Variants in COL5A3 observed in about 807,000 individuals in gnomAD.
COL5A3 encodes collagen type V alpha 3 chain.
COL5A3 carries 172 observed loss-of-function variants against 250.0 expected under a neutral mutation model. That is an observed-to-expected ratio of 0.69 (90% CI 0.61 to 0.78). COL5A3 has a LOEUF of 0.78. Among genes scored for constraint, COL5A3 ranks in the 30% least tolerant of loss-of-function variants. COL5A3 has a pLI of 0.00. For synonymous variants in COL5A3, 937 were observed against 900.4 expected (o/e 1.04, Z -0.73); for missense variants, 2,340 against 2,334.4 (o/e 1.00, Z -0.05).
chr19:9,961,910 G>A (rs2086679529), intron 65 of COL5A3, among the ~76,000 whole-genome samples: 1 of 152,018 alleles, frequency 6.6e-6, no homozygotes, highest in Non-Finnish European at 1.5e-5. Context: ...CTTCAATCCA[G>A]TTATCAGAAA....
chr19:9,987,011 C>A (rs2087110881), intron 27 of COL5A3, among the ~76,000 whole-genome samples: 1 of 152,154 alleles, frequency 6.6e-6, no homozygotes, highest in African/African-American at 2.4e-5. Flanking sequence ...CTCCTGGAGA[C>A]GCTTTGTCCA....
intron 64 of COL5A3, among the ~76,000 whole-genome samples, chr19:9,964,785 G>A (rs1030715065): frequency 2.8e-5 from 4 of 142,184 alleles, no homozygotes; most frequent in African/African-American, 5.4e-5. Context: ...AGCACTTTGG[G>A]AGGCCAAGGT....
chr19:9,981,253 C>T (rs1385680480), intron 32 of COL5A3, 121 bp from the exon 33 acceptor site: 1 of 851,496 alleles, frequency 1.2e-6, no homozygotes, highest in Non-Finnish European at 2.0e-6. Flanking sequence ...TATTCACAAG[C>T]TTTTCAGTCA....
intron 64 of COL5A3, 50 bp downstream of exon 64, chr19:9,966,264 C>T (rs1482806251): frequency 1.4e-6 from 2 of 1,383,608 alleles, no homozygotes; most frequent in Admixed American, 1.8e-5. Flanking sequence ...GTGTGGGGAG[C>T]AGGGGACAGC....
intron 42 of COL5A3, 22 bp downstream of exon 42, chr19:9,977,572 A>C (rs1472104220): frequency 1.3e-6 from 2 of 1,552,054 alleles, no homozygotes; most frequent in Non-Finnish European, 1.7e-6. Flanking sequence ...GGCCCTAGGA[A>C]TGGGATGGGC....
At chr19:9,993,211 T>C (rs1172687787) in intron 19 of COL5A3, 144 bp from the exon 20 acceptor site, 7 of 1,129,162 alleles carry the variant, frequency 6.2e-6, no homozygotes, top group Middle Eastern at 2.0e-4. Context: ...TGGGATTCCA[T>C]TCAGGCCCCT....
intron 4 of COL5A3, among the ~76,000 whole-genome samples, chr19:10,005,322 C>A (rs1345839831): frequency 6.6e-6 from 1 of 151,386 alleles, no homozygotes; most frequent in Non-Finnish European, 1.5e-5. Flanking sequence ...TGCACTCCAG[C>A]CTGGGTGACA....
At chr19:9,961,703 C>T (rs143556297) in intron 65 of COL5A3, among the ~76,000 whole-genome samples, 2 of 151,918 alleles carry the variant, frequency 1.3e-5, no homozygotes, top group Non-Finnish European at 2.9e-5. Flanking sequence ...GGACTACGGG[C>T]GCCTGCCACC....
At chr19:9,985,741 G>A in intron 31 of COL5A3, 101 bp downstream of exon 31, 2 of 1,061,622 alleles carry the variant, frequency 1.9e-6, no homozygotes, top group East Asian at 2.4e-5. Flanking sequence ...GTGACCCTTG[G>A]GGTGGGCAGC....
chr19:9,966,803 GGAGA>G, intron 62 of COL5A3, 57 bp from the exon 63 acceptor site: 1 of 1,359,794 alleles, frequency 7.4e-7, no homozygotes, highest in Non-Finnish European at 1.0e-6. Flanking sequence ...GGAGAGAGAG[GGAGA>G]AAGAGAGACA....
chr19:10,007,646 A>G (rs916421657), intron 1 of COL5A3, among the ~76,000 whole-genome samples: 5 of 152,010 alleles, frequency 3.3e-5, no homozygotes, highest in African/African-American at 9.7e-5. Context: ...AGAATCTGCC[A>G]TGACCTCACC....
Position 9,991,574 on chromosome 19 carries a change from C to T in COL5A3, c.1992+36G>A, listed in dbSNP as rs368748314. The T allele has an allele frequency of 7.8e-6, 12 of 1,547,186 alleles. No individual in the cohort carries two copies. The African/African-American group carries it at 1.6e-4, about 21-fold the overall frequency. On this transcript the variant is annotated intron_variant, in intron 24 of 66. Transcript: ENST00000264828. ...TGGCAACAGAGTTGAAGGAAGAAGA[C>T]TTGAGGAGGTCGCGGTAGGTGGAGC...
Position 9,977,405 on chromosome 19 carries a change from G to C in COL5A3, c.3194C>G (p.Pro1065Arg). Reference sequence around the variant, plus strand: ...GCCAGAAGGCCCAGCAGCTCCAGGGGGTCCCAGAGGCCCCAGGGGCCCTGG... The same window carrying C: ...GCCAGAAGGCCCAGCAGCTCCAGGGCGTCCCAGAGGCCCCAGGGGCCCTGG... ...GIPGPLGPLGPPGAAGPSGEE... is the reference protein window; with the variant it reads ...GIPGPLGPLGRPGAAGPSGEE... Residue 1065 changes from proline (P) to arginine (R), a missense_variant, in exon 43 of 67, where the codon CCC becomes CGC. Pro to Arg is a moderately radical substitution (Grantham distance 103). Transcript: ENST00000264828. The C allele has an allele frequency of 1.9e-6, 3 of 1,547,044 alleles. No homozygotes were observed. The highest frequency in any genetic ancestry group is 8.7e-7 in the Non-Finnish European group (1 of 1,147,176).
At position 9,959,628 on chromosome 19, in the gene COL5A3, C is replaced by T. The variant is rs1347643022; in HGVS notation, c.*783G>A. 1.3e-5 allele frequency: 2 copies of T among 152,602 alleles called. No homozygotes were observed. Among genetic ancestry groups the T allele is most frequent in the African/African-American group, 2.4e-5 (1 of 41,428 alleles). The allele number at this position is 152,602 out of a possible 1,614,324, so 9.5% of individuals were successfully genotyped here. On this transcript the variant is annotated 3_prime_UTR_variant, in exon 67 of 67. Transcript: ENST00000264828. ...GCCCTATGGCCTGGCGGTGGGGGGC[C>T]AGGCTTGGGCTGGAATCTCTCATCA... is the stretch of plus-strand genomic sequence containing the variant.
At chr19:9,999,200 A>ATT (rs144312768) in intron 8 of COL5A3, among the ~76,000 whole-genome samples, 41 of 94,696 alleles carry the variant, frequency 4.3e-4, no homozygotes, top group African/African-American at 8.4e-4. Flanking sequence ...TTTGCTTGGC[A>ATT]TTTTTTTTTT....
chr19:10,001,815 C>T lies in COL5A3; in HGVS notation c.916G>A (p.Val306Ile), dbSNP rs2087367403. 6 of 1,614,126 alleles carry T rather than the reference C, an allele frequency of 3.7e-6. No homozygotes were observed. Among genetic ancestry groups the T allele is most frequent in the Non-Finnish European group, 5.1e-6 (6 of 1,180,032 alleles). ...PNLPPTPTPL[V>I]VTSTVTTGLN... Reference sequence around the variant, plus strand: ...CCAGTAGTCACAGTGGAGGTGACGACCAAAGGCGTGGGGGTCGGAGGCAGA... The same window carrying T: ...CCAGTAGTCACAGTGGAGGTGACGATCAAAGGCGTGGGGGTCGGAGGCAGA... The change falls in exon 7 of 67, where the codon GTC (valine) becomes ATC (isoleucine). Residue 306 changes from valine to isoleucine, a missense_variant. Val to Ile is a conservative substitution (Grantham distance 29). Around this residue, in one of 3 missense-constraint regions of COL5A3, gnomAD observed 1,152 missense variants for 1,146.3 expected, o/e 1.00. Coordinates refer to ENST00000264828, the MANE Select transcript of COL5A3 (RefSeq NM_015719.4).
At chr19:9,967,175 AC>A (rs1419455840) in intron 62 of COL5A3, among the ~76,000 whole-genome samples, 171 bp downstream of exon 62, 2 of 152,046 alleles carry the variant, frequency 1.3e-5, no homozygotes, top group Non-Finnish European at 2.9e-5. Flanking sequence ...CCCAGGCCAG[AC>A]CTTCCTTGGG....
chr19:9,987,416 G>T (rs1302510860), intron 27 of COL5A3, among the ~76,000 whole-genome samples: 2 of 152,100 alleles, frequency 1.3e-5, no homozygotes, highest in African/African-American at 4.8e-5. Flanking sequence ...AATGTAACTA[G>T]ACTCAACTAC....
chr19:10,003,418 C>T (rs2087391761), intron 6 of COL5A3, 147 bp downstream of exon 6: 3 of 805,062 alleles, frequency 3.7e-6, no homozygotes, highest in Non-Finnish European at 6.0e-6. Context: ...CTCATGGATC[C>T]GAGACCAGAG....
Sources: allele counts gnomAD v4.1 joint callset (sites outside exome capture counted in the v4.1 genomes callset), GRCh38; gene constraint gnomAD v4.1.1; regional missense constraint gnomAD v4.1.1; transcripts MANE v1.5; gene names NCBI Gene and HGNC (gene_info 2026-07-23, HGNC 2026-07-21).